CHD2: variants seen among roughly 807,000 people sequenced by gnomAD.
The protein encoded by CHD2 is ATP-dependent chromatin remodeler CHD2.
In CHD2, 28 loss-of-function variants were observed where a neutral mutation model predicts 243.9. That is an observed-to-expected ratio of 0.11 (90% confidence interval 0.09 to 0.16). The LOEUF is 0.16. CHD2 is among the 10% of genes least tolerant of loss of function. The pLI, the probability that CHD2 is intolerant of heterozygous loss-of-function variation, is 1.00. For synonymous variants in CHD2, 775 were observed against 779.0 expected, an observed-to-expected ratio of 0.99 and a Z score of 0.09; for missense variants, 1,386 against 2,209.8, an observed-to-expected ratio of 0.63 and a Z score of 7.47.
At chr15:92,930,384 T>TAATA (rs1331119282) in intron 5 of CHD2, among the ~76,000 whole-genome samples, 1 of 152,132 alleles carries the variant, frequency 6.6e-6, no homozygotes, top group Non-Finnish European at 1.5e-5. Flanking sequence ...AGTCACTGTA[T>TAATA]AATACATTGC....
chr15:92,949,608 G>A (rs1403702059), intron 13 of CHD2, among the ~76,000 whole-genome samples: 1 of 152,016 alleles, frequency 6.6e-6, no homozygotes, highest in Non-Finnish European at 1.5e-5. Flanking sequence ...ATAAGACCAC[G>A]TTAATCTTGG....
intron 34 of CHD2, among the ~76,000 whole-genome samples, chr15:93,005,511 T>G (rs1310485819): frequency 1.3e-5 from 2 of 152,122 alleles, no homozygotes; most frequent in African/African-American, 2.4e-5. Flanking sequence ...ACAAATCCAT[T>G]AATCAAACGG....
chr15:92,953,534 C>T lies in CHD2; in HGVS notation c.1680C>T (p.Asn560=), dbSNP rs368985360. Residue 560 remains asparagine, a synonymous_variant, in exon 14 of 39, where the codon AAC becomes AAT. Coordinates refer to ENST00000394196, the MANE Select transcript of CHD2 (RefSeq NM_001271.4). ...TTGAAATCTGGGCACCAGAGATTAA[C>T]GTAGTGGTTTACATAGGTGACCTGA... ...REFEIWAPEI[N]VVVYIGDLMS... 32 of 1,613,964 alleles carry T rather than the reference C, an allele frequency of 2.0e-5. No individual in the cohort carries two copies. Among genetic ancestry groups the T allele is most frequent in the Non-Finnish European group, 2.5e-5 (30 of 1,180,018 alleles).
At position 93,026,828 on chromosome 15, in the gene CHD2, CAG is replaced by C. The variant is rs944789931; in HGVS notation, c.*2128_*2129del. ...GGGGTGGGAAGGAGGTGAGCCCCTG[CAG>C]AGAGTTGGGTAGTGTCCTTCAGGAA... is the stretch of plus-strand genomic sequence containing the variant. On this transcript the variant is annotated 3_prime_UTR_variant, in exon 39 of 39. Transcript: ENST00000394196. The C allele has an allele frequency of 9.8e-5, 15 of 152,596 alleles. No homozygotes were observed. Among genetic ancestry groups the C allele is most frequent in the African/African-American group, 3.4e-4 (14 of 41,564 alleles). The allele number at this position is 152,596 out of a possible 1,614,324, so 9.5% of individuals were successfully genotyped here. A position where few individuals can be genotyped will look rare whatever the true frequency, so the allele number is the denominator to read the frequency against.
At chr15:92,906,664 CTT>C (rs66638937) in intron 2 of CHD2, among the ~76,000 whole-genome samples, 49,538 of 128,422 alleles carry the variant, frequency 0.39, 9,239 homozygotes, top group Middle Eastern at 0.43. Context: ...TATGAGCCAT[CTT>C]TTTTTTTTTT....
intron 24 of CHD2, 69 bp from the exon 25 acceptor site, chr15:92,984,261 G>A: frequency 8.2e-7 from 1 of 1,222,562 alleles, no homozygotes; most frequent in Middle Eastern, 2.0e-4. Flanking sequence ...TAAAAACACT[G>A]GATAAATTGT....
At chr15:92,978,875 A>G (rs1184150378) in intron 21 of CHD2, among the ~76,000 whole-genome samples, 2 of 152,204 alleles carry the variant, frequency 1.3e-5, no homozygotes, top group African/African-American at 2.4e-5. Flanking sequence ...TCACTGAAGC[A>G]CGATTTTTAT....
intron 22 of CHD2, among the ~76,000 whole-genome samples, 184 bp downstream of exon 22, chr15:92,979,467 C>T (rs937556226): frequency 1.6e-4 from 25 of 152,180 alleles, no homozygotes; most frequent in Non-Finnish European, 2.2e-4. Context: ...CCCATCACCC[C>T]CCTTCTTATG....
At position 93,004,540 on chromosome 15, in the gene CHD2, CAACAT is replaced by C. The variant is rs1378903332; in HGVS notation, c.4279-75_4279-71del. On this transcript the variant is annotated intron_variant, in intron 33 of 38. Transcript: ENST00000394196. ...ATCATATTTACCCATTTTAATAACACAACATAGGTAAGAAACCTAAATCGCACGGT... is the reference window on the plus strand; with the variant it reads ...ATCATATTTACCCATTTTAATAACACAGGTAAGAAACCTAAATCGCACGGT... The C allele has an allele frequency of 2.9e-6, 4 of 1,370,278 alleles. No individual in the cohort carries two copies. The African/African-American group carries it at 5.8e-5, about 20-fold the overall frequency. The allele number at this position is 1,370,278 out of a possible 1,614,324, so 84.9% of individuals were successfully genotyped here. A position where few individuals can be genotyped will look rare whatever the true frequency, so the allele number is the denominator to read the frequency against.
intron 5 of CHD2, among the ~76,000 whole-genome samples, chr15:92,933,097 A>T (rs1429555164): frequency 1.8e-4 from 26 of 143,934 alleles, no homozygotes; most frequent in Admixed American, 9.1e-4. Context: ...ATTGGTGCAC[A>T]TGTGTGGCCA....
At chr15:92,922,794 G>C (rs1048152941) in intron 2 of CHD2, among the ~76,000 whole-genome samples, 2 of 152,142 alleles carry the variant, frequency 1.3e-5, no homozygotes, top group African/African-American at 4.8e-5. Context: ...TTTTGCTTCA[G>C]AGTATCTTCC....
chr15:92,972,153 TA>T (rs1742371185), intron 18 of CHD2, 111 bp from the exon 19 acceptor site: 6 of 1,233,488 alleles, frequency 4.9e-6, no homozygotes, highest in Non-Finnish European at 5.7e-6. Context: ...AGCAGGTTGC[TA>T]AGGGCTTCAG....
intron 2 of CHD2, among the ~76,000 whole-genome samples, chr15:92,903,100 AAAG>A (rs2052553632): frequency 6.6e-6 from 1 of 152,224 alleles, no homozygotes; most frequent in Admixed American, 6.5e-5. Flanking sequence ...GACTCTTTGA[AAAG>A]AAGATAGTTA....
At chr15:92,948,930 G>T (rs1199448616) in intron 12 of CHD2, 22 bp from the exon 13 acceptor site, 6 of 1,607,714 alleles carry the variant, frequency 3.7e-6, no homozygotes, top group Non-Finnish European at 5.1e-6. Flanking sequence ...CATTTTCTCA[G>T]ACTTGGGCTT....
intron 10 of CHD2, chr15:92,944,758 C>T (rs1596397883): frequency 8.7e-6 from 2 of 228,798 alleles, no homozygotes; most frequent in East Asian, 8.4e-5. Flanking sequence ...TACCATTTAC[C>T]GAAGTGGAAA....
chr15:92,973,699 C>G (rs2053872190), intron 19 of CHD2, among the ~76,000 whole-genome samples: 1 of 152,116 alleles, frequency 6.6e-6, no homozygotes, highest in South Asian at 2.1e-4. Flanking sequence ...GAATCGAATC[C>G]CTATGAGCTT....
intron 37 of CHD2, among the ~76,000 whole-genome samples, chr15:93,019,090 A>G (rs201038830): frequency 6.6e-6 from 1 of 152,216 alleles, no homozygotes; most frequent in Non-Finnish European, 1.5e-5. Flanking sequence ...TTAATCCGTA[A>G]GAGACAGAGC....
chr15:92,943,717 A>C (rs939846597), intron 9 of CHD2: 1 of 154,210 alleles, frequency 6.5e-6, no homozygotes, highest in African/African-American at 2.4e-5. Flanking sequence ...AATGGTATCA[A>C]GCTCAGCCTG....
Position 92,974,956 on chromosome 15 carries a change from C to G in CHD2, c.2577+6C>G. 9 of 1,612,212 alleles carry G rather than the reference C, an allele frequency of 5.6e-6. No homozygotes were observed. Among genetic ancestry groups the G allele is most frequent in the Non-Finnish European group, 7.6e-6 (9 of 1,178,584 alleles). On this transcript the variant is annotated splice_donor_region_variant and intron_variant, in intron 20 of 38. Transcript: ENST00000394196. ...TCAATGCAGATGGGTCTGAGGTATA[C>G]TATGCATGGCTTTGTTATTTGAGCA...
Sources: gnomAD v4.1 joint callset for allele counts (sites outside exome capture counted in the v4.1 genomes callset) on GRCh38, gnomAD v4.1.1 for gene constraint, MANE v1.5 for transcripts, NCBI Gene and HGNC (gene_info 2026-07-23, HGNC 2026-07-21) for gene names.